The following ASB4 variants were observed in gnomAD, a reference collection of about 807,000 sequenced individuals.
The protein encoded by ASB4 is ankyrin repeat and SOCS box protein 4.
In ASB4, 35 loss-of-function variants were observed where a neutral mutation model predicts 38.6. The observed-to-expected ratio is 0.91, with a 90% CI of 0.69 to 1.20. ASB4 has a LOEUF of 1.20. Among genes scored for constraint, ASB4 ranks in the 50% most tolerant of loss-of-function variants. The pLI, the probability that ASB4 is intolerant of heterozygous loss-of-function variation, is 0.00. For missense variants in ASB4, 557 were observed against 527.2 expected (o/e 1.06, Z -0.55); for synonymous variants, 195 against 201.3 (o/e 0.97, Z 0.26).
chr7:95,550,756 C>T, the ASB4 span, among the ~76,000 whole-genome samples: 1 of 152,074 alleles, frequency 6.6e-6, no homozygotes, highest in Non-Finnish European at 1.5e-5. Flanking sequence ...GTTGCTGTTC[C>T]TCATTAGTCC....
At chr7:95,548,599 C>T in the ASB4 span, among the ~76,000 whole-genome samples, 1 of 152,282 alleles carries the variant, frequency 6.6e-6, no homozygotes, top group East Asian at 1.9e-4. Context: ...GCTATTAGTG[C>T]CATCCCTATT....
upstream of ASB4, among the ~76,000 whole-genome samples, chr7:95,485,213 C>T (rs1790072122): frequency 6.6e-6 from 1 of 152,080 alleles, no homozygotes; most frequent in Admixed American, 6.5e-5. Flanking sequence ...CATTACACTT[C>T]TATATTGTCA....
rs1188139369 is a variant in ASB4, at chr7:95,527,868, G to A, written c.543G>A (p.Thr181=). ...NNQDEETPLH[T]AAHFGLSELV... is the part of the protein sequence containing the mutation. The stretch of plus-strand genomic sequence containing the variant: ...AAGATGAGGAGACGCCCTTGCACAC[G>A]GCTGCCCACTTCGGCCTTTCGGAGC... Residue 181 remains threonine (T), a synonymous_variant, in exon 3 of 5, where the codon ACG becomes ACA. Transcript: ENST00000325885. 3 of 1,613,380 alleles carry A rather than the reference G, an allele frequency of 1.9e-6. No individual in the cohort carries two copies. Among genetic ancestry groups the A allele is most frequent in the African/African-American group, 2.7e-5 (2 of 74,896 alleles).
intron 3 of ASB4, among the ~76,000 whole-genome samples, chr7:95,535,553 A>G: frequency 6.6e-6 from 1 of 152,204 alleles, no homozygotes; most frequent in East Asian, 1.9e-4. Context: ...TTAAACTGGG[A>G]GTCAGGAATG....
At chr7:95,506,468 T>G (rs537772206) in intron 2 of ASB4, among the ~76,000 whole-genome samples, 6 of 152,142 alleles carry the variant, frequency 3.9e-5, no homozygotes, top group Non-Finnish European at 8.8e-5. Context: ...GGTACATTTC[T>G]GAGAAAGGGT....
At chr7:95,523,361 T>A (rs1228333003) in intron 2 of ASB4, among the ~76,000 whole-genome samples, 1 of 152,112 alleles carries the variant, frequency 6.6e-6, no homozygotes, top group East Asian at 1.9e-4. Flanking sequence ...GAAGAGCTCA[T>A]AAAAGTGCAA....
Position 95,528,127 on chromosome 7 carries a change from A to G in ASB4, c.802A>G (p.Met268Val). ...AGCCTGGAACTGTGACCACGTGCTCATGCACATGATGCTGGAAGCTGGCGC... is the reference window on the plus strand; with the variant it reads ...AGCCTGGAACTGTGACCACGTGCTCGTGCACATGATGCTGGAAGCTGGCGC... ...KAAWNCDHVL[M>V]HMMLEAGAEA... is the part of the protein sequence containing the mutation. The change falls in exon 3 of 5, where the codon ATG becomes GTG. Residue 268 changes from methionine (M) to valine (V), a missense_variant. Physicochemically the swap from Met to Val is conservative, Grantham distance 21. Transcript: ENST00000325885. 1 of 1,614,188 alleles carries G rather than the reference A, an allele frequency of 6.2e-7. No homozygotes were observed. The highest frequency in any genetic ancestry group is 8.5e-7 in the Non-Finnish European group (1 of 1,180,032).
chr7:95,504,986 C>T (rs1172329280), intron 2 of ASB4, among the ~76,000 whole-genome samples: 2 of 152,230 alleles, frequency 1.3e-5, no homozygotes, highest in Non-Finnish European at 2.9e-5. Context: ...CAACCTTAAG[C>T]AGTGCTTTCA....
At chr7:95,536,380 G>C in intron 3 of ASB4, 57 bp from the exon 4 acceptor site, 1 of 1,132,370 alleles carries the variant, frequency 8.8e-7, no homozygotes, top group Non-Finnish European at 1.3e-6. Context: ...TCTGTGAGCA[G>C]AATGAATGAA....
rs184257715 is a variant in ASB4 at position 95,506,841 on chromosome 7, T to G, written c.487+10784T>G. Among the ~76,000 whole-genome samples the G allele has an allele frequency of 2.8e-4, 42 of 152,226 alleles. No homozygotes were observed. The East Asian group carries it at 7.5e-3, about 27-fold the overall frequency. ...TTCCTGAATTATTTCCTGGGTGAGT[T>G]CTTTTCTTCTGCTTTCTATATGCTC... On this transcript the variant is annotated intron_variant, in intron 2 of 4. Coordinates refer to ENST00000325885, the MANE Select transcript of ASB4 (RefSeq NM_016116.3).
chr7:95,514,455 C>T (rs1790527056), intron 2 of ASB4, among the ~76,000 whole-genome samples: 1 of 152,160 alleles, frequency 6.6e-6, no homozygotes, highest in South Asian at 2.1e-4. Context: ...TTAATTACAT[C>T]ATAAAAATGA....
intron 2 of ASB4, among the ~76,000 whole-genome samples, chr7:95,521,797 T>TA (rs1790666312): frequency 2.7e-5 from 3 of 111,232 alleles, no homozygotes; most frequent in South Asian, 6.2e-4. Flanking sequence ...TAATAGTATA[T>TA]TTTTTAAATG....
At chr7:95,529,184 G>A (rs1374128380) in intron 3 of ASB4, among the ~76,000 whole-genome samples, 1 of 152,198 alleles carries the variant, frequency 6.6e-6, no homozygotes, top group African/African-American at 2.4e-5. Flanking sequence ...CAGAAATATG[G>A]AAGAGAGTGA....
chr7:95,520,720 T>A (rs1269292850), intron 2 of ASB4, among the ~76,000 whole-genome samples: 1 of 151,958 alleles, frequency 6.6e-6, no homozygotes, highest in Non-Finnish European at 1.5e-5. Context: ...TCCAATACCT[T>A]TATTAATAGT....
intron 2 of ASB4, among the ~76,000 whole-genome samples, chr7:95,497,633 T>C (rs534511687): frequency 1.3e-5 from 2 of 152,344 alleles, no homozygotes; most frequent in Admixed American, 1.3e-4. Flanking sequence ...ATTGTTTTTG[T>C]GAAACTATCA....
chr7:95,514,642 A>G (rs1166868479), intron 2 of ASB4, among the ~76,000 whole-genome samples: 2 of 152,156 alleles, frequency 1.3e-5, no homozygotes, highest in Non-Finnish European at 2.9e-5. Context: ...ATAGTCTCAG[A>G]TGATTAGTCA....
downstream of ASB4, chr7:95,544,607 A>C (rs1239580945): frequency 2.6e-5 from 4 of 152,232 alleles, no homozygotes; most frequent in Non-Finnish European, 5.9e-5. Flanking sequence ...TCAGTTTCTT[A>C]ATTCAAGTGT....
rs1384424407 is a variant in ASB4 at position 95,515,171 on chromosome 7, TTCTTTC to T, written c.488-12640_488-12635del. On this transcript the variant is annotated intron_variant, in intron 2 of 4. Coordinates refer to ENST00000325885, the MANE Select transcript of ASB4 (RefSeq NM_016116.3). ...TTTCTTTCTTTCTTTCTCTTTCTCTTTCTTTCTTTCTTTCTTTCTTTCTTTCTTTCT... is the reference window on the plus strand; with the variant it reads ...TTTCTTTCTTTCTTTCTCTTTCTCTTTTTCTTTCTTTCTTTCTTTCTTTCT... Among the ~76,000 whole-genome samples the T allele has an allele frequency of 1.6e-4, 7 of 44,660 alleles. No individual in the cohort carries two copies. The East Asian group carries it at 2.0e-3, about 13-fold the overall frequency. 29.3% of individuals were successfully genotyped at this position (44,660 alleles called of 152,430 possible). A position where few individuals can be genotyped will look rare whatever the true frequency, so the allele number is the denominator to read the frequency against.
At chr7:95,550,857 T>C in the ASB4 span, among the ~76,000 whole-genome samples, 4 of 152,206 alleles carry the variant, frequency 2.6e-5, no homozygotes, top group South Asian at 2.1e-4. Context: ...TTCTCTTCCA[T>C]GTACAGGATG....
Sources: allele counts gnomAD v4.1 joint callset (sites outside exome capture counted in the v4.1 genomes callset), GRCh38; gene constraint gnomAD v4.1.1; transcripts MANE v1.5; gene names NCBI Gene and HGNC (gene_info 2026-07-23, HGNC 2026-07-21).